THSD7B: variants seen among roughly 807,000 people sequenced by gnomAD.
THSD7B encodes thrombospondin type 1 domain containing 7B.
Under a neutral mutation model 213.6 loss-of-function variants are expected in THSD7B, and 138 were observed. That is an observed-to-expected ratio of 0.65 (90% CI 0.56 to 0.74). THSD7B has a LOEUF of 0.74. Among genes scored for constraint, THSD7B ranks in the 30% least tolerant of loss-of-function variants. THSD7B has a pLI of 0.00. For missense variants in THSD7B, 1,931 were observed against 1,991.5 expected, an observed-to-expected ratio of 0.97 and a Z score of 0.58; for synonymous variants, 742 against 687.0, an observed-to-expected ratio of 1.08 and a Z score of -1.25.
At chr2:137,278,049 T>C (rs2104813777) in intron 12 of THSD7B, among the ~76,000 whole-genome samples, 2 of 152,192 alleles carry the variant, frequency 1.3e-5, no homozygotes, top group East Asian at 3.9e-4. Context: ...GGGGCTAGAC[T>C]GAAATCAGGT....
intron 12 of THSD7B, among the ~76,000 whole-genome samples, chr2:137,395,180 C>G (rs1686145374): frequency 6.9e-6 from 1 of 145,298 alleles, no homozygotes; most frequent in African/African-American, 2.6e-5. Flanking sequence ...ATTGCCCTGG[C>G]TAGAACTTCC....
At chr2:137,521,879 TGTTG>T (rs1447058727) in intron 15 of THSD7B, among the ~76,000 whole-genome samples, 8 of 30,094 alleles carry the variant, frequency 2.7e-4, no homozygotes, top group African/African-American at 2.0e-3. Flanking sequence ...ATCCCTCAGC[TGTTG>T]AGTAACCTCT....
intron 1 of THSD7B, among the ~76,000 whole-genome samples, chr2:136,874,218 T>C (rs1184130923): frequency 1.3e-5 from 2 of 152,206 alleles, no homozygotes; most frequent in Non-Finnish European, 2.9e-5. Flanking sequence ...ACCGACTATC[T>C]TTGGGACTTC....
At chr2:137,058,663 C>T (rs1379690720) in intron 3 of THSD7B, among the ~76,000 whole-genome samples, 6 of 152,138 alleles carry the variant, frequency 3.9e-5, no homozygotes, top group Non-Finnish European at 7.3e-5. Context: ...TGTTCCCCTC[C>T]CCAAATTTAT....
intron 12 of THSD7B, among the ~76,000 whole-genome samples, chr2:137,357,658 G>A (rs1448249594): frequency 1.3e-5 from 2 of 152,156 alleles, no homozygotes; most frequent in Non-Finnish European, 2.9e-5. Flanking sequence ...TAAATTTGGA[G>A]AAAATGGATA....
intron 2 of THSD7B, among the ~76,000 whole-genome samples, chr2:136,953,394 C>A (rs1685073430): frequency 6.6e-6 from 1 of 152,090 alleles, no homozygotes; most frequent in Admixed American, 6.5e-5. Flanking sequence ...AGCCTGGGGA[C>A]TTCTCCTCAT....
At chr2:136,873,625 T>A (rs561252757) in intron 1 of THSD7B, among the ~76,000 whole-genome samples, 1 of 152,336 alleles carries the variant, frequency 6.6e-6, no homozygotes, top group East Asian at 1.9e-4. Flanking sequence ...ACTATTTTGC[T>A]GCAGGGCAGG....
chr2:137,018,131 C>T (rs1341564627), intron 2 of THSD7B, among the ~76,000 whole-genome samples: 4 of 151,884 alleles, frequency 2.6e-5, no homozygotes, highest in Non-Finnish European at 5.9e-5. Context: ...TTAAAGTCAA[C>T]AATCCTTAAA....
At chr2:137,146,581 T>C (rs1251190299) in intron 5 of THSD7B, among the ~76,000 whole-genome samples, 1 of 152,176 alleles carries the variant, frequency 6.6e-6, no homozygotes, top group Non-Finnish European at 1.5e-5. Context: ...TGTTGCTTAG[T>C]ACATCAATTG....
intron 12 of THSD7B, among the ~76,000 whole-genome samples, chr2:137,361,502 G>GGCTAACTAGAATAAACAGTGTAGA (rs1685257894): frequency 6.6e-6 from 1 of 152,116 alleles, no homozygotes; most frequent in Non-Finnish European, 1.5e-5. Context: ...TTAGACGAAT[G>GGCTAACTAGAATAAACAGTGTAGA]GCTAACTAGA....
rs185765628 is a variant in THSD7B, at chr2:137,191,359, C to T, written c.1723+20421C>T. Among the ~76,000 whole-genome samples, 4 of 151,816 alleles carry T rather than the reference C, an allele frequency of 2.6e-5. No homozygotes were observed. The East Asian group carries it at 7.8e-4, about 29-fold the overall frequency. Reference sequence around the variant, plus strand: ...ATTTTCAAAATTGTATGTAAATCTCCTAACTATTACTTGCATTTTTATTGT... The same window carrying T: ...ATTTTCAAAATTGTATGTAAATCTCTTAACTATTACTTGCATTTTTATTGT... On this transcript the variant is annotated intron_variant, in intron 7 of 27. Coordinates refer to ENST00000409968, the MANE Select transcript of THSD7B (RefSeq NM_001316349.2).
At chr2:137,503,854 G>A (rs1296154545) in intron 15 of THSD7B, among the ~76,000 whole-genome samples, 9 of 151,774 alleles carry the variant, frequency 5.9e-5, no homozygotes, top group African/African-American at 1.7e-4. Context: ...GTGAAACCCC[G>A]TCTCTACTAA....
At position 137,663,483 on chromosome 2, in the gene THSD7B, C is replaced by A. The variant is rs1233206640; in HGVS notation, c.4559C>A (p.Ala1520Asp). The A allele has an allele frequency of 6.2e-7, 1 of 1,603,378 alleles. No homozygotes were observed. The highest frequency in any genetic ancestry group is 8.5e-7 in the Non-Finnish European group (1 of 1,174,260). ...MKVPGSEDKK[A>D]DVKNLSGKNR... ...GTACCAGGCTCAGAGGATAAAAAAG[C>A]TGATGTGAAAAACCTTTCTGGGAAA... Residue 1520 changes from alanine to aspartate, a missense_variant, in exon 26 of 28, where the codon GCT becomes GAT. Ala to Asp is a moderately radical substitution (Grantham distance 126). Coordinates refer to ENST00000409968, the MANE Select transcript of THSD7B (RefSeq NM_001316349.2).
Position 137,242,476 on chromosome 2 carries a change from C to A in THSD7B, c.2170C>A (p.Pro724Thr). The A allele has an allele frequency of 2.5e-6, 4 of 1,613,832 alleles. No individual in the cohort carries two copies. The South Asian group carries it at 4.4e-5, about 18-fold the overall frequency. ...MTKRCPDSTRPETVRPCFLPC... is the reference protein window; with the variant it reads ...MTKRCPDSTRTETVRPCFLPC... ...TGACAGATGTCCAGATTCTACTCGACCTGAAACTGTGCGCCCCTGTTTTCT... is the reference window on the plus strand; with the variant it reads ...TGACAGATGTCCAGATTCTACTCGAACTGAAACTGTGCGCCCCTGTTTTCT... The change falls in exon 10 of 28, where the codon CCT (proline) becomes ACT (threonine). Residue 724 changes from proline to threonine, a missense_variant. Physicochemically the swap from Pro to Thr is conservative, Grantham distance 38 (BLOSUM62 -1). Transcript: ENST00000409968.
At chr2:137,620,863 C>A in intron 20 of THSD7B, 137 bp downstream of exon 20, 1 of 669,732 alleles carries the variant, frequency 1.5e-6, no homozygotes, top group Non-Finnish European at 2.5e-6. Context: ...GGAAGAAAAA[C>A]AGAGCCTGGC....
chr2:137,455,927 C>T (rs1255459811), intron 15 of THSD7B, among the ~76,000 whole-genome samples: 3 of 152,132 alleles, frequency 2.0e-5, no homozygotes, highest in African/African-American at 7.2e-5. Context: ...ATGAGTTCTT[C>T]ACATGGTGGA....
At chr2:137,277,704 C>T (rs1462646738) in intron 12 of THSD7B, among the ~76,000 whole-genome samples, 1 of 152,040 alleles carries the variant, frequency 6.6e-6, no homozygotes, top group Non-Finnish European at 1.5e-5. Context: ...TTTTGCAGAA[C>T]AGGATTACAC....
intron 2 of THSD7B, among the ~76,000 whole-genome samples, chr2:137,001,058 G>A (rs1460766538): frequency 6.6e-6 from 1 of 152,070 alleles, no homozygotes; most frequent in East Asian, 1.9e-4. Context: ...GGTTTTAAGA[G>A]CATGTGTTCT....
chr2:137,086,639 C>T (rs1001638247), intron 3 of THSD7B, among the ~76,000 whole-genome samples: 6 of 152,168 alleles, frequency 3.9e-5, no homozygotes, highest in African/African-American at 1.4e-4. Flanking sequence ...TAGGTGTGGA[C>T]ATTTTTGGAG....
Sources: gnomAD v4.1 joint callset for allele counts (sites outside exome capture counted in the v4.1 genomes callset) on GRCh38, gnomAD v4.1.1 for gene constraint, MANE v1.5 for transcripts, NCBI Gene and HGNC (gene_info 2026-07-23, HGNC 2026-07-21) for gene names.